ZNF354A: variants seen among roughly 807,000 people sequenced by gnomAD.
ZNF354A encodes zinc finger protein 354A, also known as epididymis luminal protein 104.
Under a neutral mutation model 53.3 loss-of-function variants are expected in ZNF354A, and 25 were observed. That is an observed-to-expected ratio of 0.47 (90% CI 0.34 to 0.66). ZNF354A has a LOEUF of 0.66. Among genes scored for constraint, ZNF354A ranks in the 30% least tolerant of loss-of-function variants. The pLI is 0.01. For synonymous variants in ZNF354A, 228 were observed against 249.0 expected, an observed-to-expected ratio of 0.92 and a Z score of 0.79; for missense variants, 586 against 716.8, an observed-to-expected ratio of 0.82 and a Z score of 2.08.
intron 4 of ZNF354A, among the ~76,000 whole-genome samples, chr5:178,719,860 T>C (rs897703270): frequency 1.3e-5 from 2 of 150,564 alleles, no homozygotes; most frequent in Non-Finnish European, 3.0e-5. Flanking sequence ...GGCAGGAGAA[T>C]GGCGTGAACC....
At position 178,713,734 on chromosome 5, in the gene ZNF354A, A is replaced by G. The variant is rs572507418; in HGVS notation, c.257-113T>C. The G allele has an allele frequency of 1.6e-4, 216 of 1,315,940 alleles. 1 individual carries two copies. In the South Asian group the frequency reaches 3.7e-3, roughly 23 times the overall value. The allele number at this position is 1,315,940 out of a possible 1,614,324, so 81.5% of individuals were successfully genotyped here. On this transcript the variant is annotated intron_variant, in intron 4 of 4. Transcript: ENST00000335815. ...GGTGACATTTAAATAAGACCCTGAT[A>G]TCTGTATGAAAAAAATTGCAAAAAG...
intron 4 of ZNF354A, among the ~76,000 whole-genome samples, chr5:178,721,747 A>G (rs543533808): frequency 6.6e-6 from 1 of 152,226 alleles, no homozygotes; most frequent in East Asian, 1.9e-4. Context: ...CTCATCCTCT[A>G]AGCAAGATAT....
In ZNF354A at chr5:178,730,552, TCAC is replaced by T. The variant is rs1375795488; in HGVS notation, c.-52+1_-52+3del. 6.6e-6 allele frequency: 1 copy of T among 151,828 alleles called. No individual in the cohort carries two copies. Among genetic ancestry groups the T allele is most frequent in the African/African-American group, 2.4e-5 (1 of 41,360 alleles). 9.4% of individuals were successfully genotyped at this position (151,828 alleles called of 1,614,324 possible). A position where few individuals can be genotyped will look rare whatever the true frequency, so the allele number is the denominator to read the frequency against. Reference sequence around the variant, plus strand: ...TACCGGCTTGGCCTGCCGCCGACGCTCACCTCCCTAAGCTCGAGCGTCCCGGGC... The same window carrying T: ...TACCGGCTTGGCCTGCCGCCGACGCTCTCCCTAAGCTCGAGCGTCCCGGGC... On this transcript the variant is annotated splice_donor_variant and splice_donor_region_variant and intron_variant, in intron 1 of 4. Transcript: ENST00000335815. LOFTEE classifies it low-confidence loss of function (5UTR_SPLICE).
intron 4 of ZNF354A, among the ~76,000 whole-genome samples, chr5:178,715,211 AC>A (rs1352675950): frequency 6.6e-6 from 1 of 152,210 alleles, no homozygotes; most frequent in Non-Finnish European, 1.5e-5. Flanking sequence ...GTTTAAAGGG[AC>A]CATTTGTGTC....
chr5:178,725,444 A>T lies in ZNF354A; in HGVS notation c.188T>A (p.Ile63Asn). The T allele has an allele frequency of 6.2e-7, 1 of 1,614,150 alleles. No homozygotes were observed. ...LGLPFTKPKV[I>N]SLLQQGEDPW... Reference sequence around the variant, plus strand: ...ATCTTCTCCTTGCTGCAACAGGGAGATCACTTTTGGTTTGGTAAATGGGAG... The same window carrying T: ...ATCTTCTCCTTGCTGCAACAGGGAGTTCACTTTTGGTTTGGTAAATGGGAG... Residue 63 changes from isoleucine to asparagine, a missense_variant, in exon 4 of 5, where the codon ATC becomes AAC. Transcript: ENST00000335815.
intron 4 of ZNF354A, among the ~76,000 whole-genome samples, chr5:178,724,312 C>T (rs1310111865): frequency 2.0e-5 from 3 of 152,022 alleles, no homozygotes; most frequent in Non-Finnish European, 4.4e-5. Context: ...GCAACCTCCG[C>T]CTCCCGGGTT....
Position 178,713,086 on chromosome 5 carries a change from A to G in ZNF354A, c.792T>C (p.His264=), listed in dbSNP as rs752367095. 1.2e-5 allele frequency: 20 copies of G among 1,613,974 alleles called. No homozygotes were observed. Among genetic ancestry groups the G allele is most frequent in the Non-Finnish European group, 1.6e-5 (19 of 1,179,864 alleles). ...TACATATGTAGGGTTTCTCTCCAGT[A>G]TGCGTTATTTGATGTTGAATAAGAG... is the stretch of plus-strand genomic sequence containing the variant. ...SSALIQHQIT[H]TGEKPYICKE... Residue 264 remains histidine, a synonymous_variant, in exon 5 of 5, where the codon CAT becomes CAC. Coordinates refer to ENST00000335815, the MANE Select transcript of ZNF354A (RefSeq NM_005649.3).
Position 178,712,076 on chromosome 5 carries a change from A to ACCCC in ZNF354A, c.1801_1802insGGGG (p.Ile601ArgfsTer31). 6.3e-7 allele frequency: 1 copy of ACCCC among 1,595,454 alleles called. No homozygotes were observed. Among genetic ancestry groups the ACCCC allele is most frequent in the Non-Finnish European group, 8.5e-7 (1 of 1,170,476 alleles). ...ATCTACTTTCTAGGGGTCCTCTTCG[A>ACCCC]TATGAATTTTATAATGATTAGTAAG... On this transcript the variant is annotated frameshift_variant, in exon 5 of 5. Coordinates refer to ENST00000335815, the MANE Select transcript of ZNF354A (RefSeq NM_005649.3). LOFTEE classifies it high-confidence loss of function.
Position 178,713,469 on chromosome 5 carries a change from C to T in ZNF354A, c.409G>A (p.Asp137Asn), listed in dbSNP as rs761062256. Residue 137 changes from aspartate to asparagine, a missense_variant, in exon 5 of 5, where the codon GAT (aspartate) becomes AAT (asparagine). This residue lies in a region of ZNF354A where 573 missense variants were observed against 680.1 expected (regional missense o/e 0.84). Coordinates refer to ENST00000335815, the MANE Select transcript of ZNF354A (RefSeq NM_005649.3). ...ACTATCTGAAAACTTCCCTTTTTAT[C>T]CTGCTTTTTCTCTAATCTGCCTTCA... ...IYEGRLEKKQ[D>N]KKGSFQIVSA... 1.4e-5 allele frequency: 23 copies of T among 1,613,554 alleles called. No individual in the cohort carries two copies. Among genetic ancestry groups the T allele is most frequent in the African/African-American group, 8.0e-5 (6 of 74,848 alleles).
chr5:178,729,690 C>A (rs1262932816), intron 1 of ZNF354A, among the ~76,000 whole-genome samples: 2 of 151,716 alleles, frequency 1.3e-5, no homozygotes, highest in African/African-American at 2.4e-5. Flanking sequence ...TCCCGAGTAG[C>A]TGGGACTACA....
At chr5:178,728,338 G>A (rs990959341) in intron 2 of ZNF354A, among the ~76,000 whole-genome samples, 9 of 152,090 alleles carry the variant, frequency 5.9e-5, no homozygotes, top group Non-Finnish European at 1.2e-4. Flanking sequence ...ACAGCAATGC[G>A]GAAGTACCTA....
intron 4 of ZNF354A, among the ~76,000 whole-genome samples, chr5:178,719,484 T>C (rs1765769537): frequency 6.6e-6 from 1 of 152,154 alleles, no homozygotes; most frequent in African/African-American, 2.4e-5. Flanking sequence ...AGAATTGACA[T>C]ATAAGATAGG....
At chr5:178,722,715 A>T (rs1581747143) in intron 4 of ZNF354A, among the ~76,000 whole-genome samples, 1 of 152,336 alleles carries the variant, frequency 6.6e-6, no homozygotes, top group Non-Finnish European at 1.5e-5. Context: ...CTTGGAAAAC[A>T]GGAGTGAATG....
chr5:178,713,942 G>A (rs570843612), intron 4 of ZNF354A, among the ~76,000 whole-genome samples: 1 of 151,734 alleles, frequency 6.6e-6, no homozygotes, highest in Admixed American at 6.6e-5. Flanking sequence ...GGAAGTTTGG[G>A]GTTAGGACCC....
At chr5:178,723,048 A>T (rs1249549309) in intron 4 of ZNF354A, among the ~76,000 whole-genome samples, 2 of 152,220 alleles carry the variant, frequency 1.3e-5, no homozygotes, top group Non-Finnish European at 1.5e-5. Context: ...GGGTGATCAG[A>T]GGCCTCGAAT....
intron 4 of ZNF354A, among the ~76,000 whole-genome samples, chr5:178,719,830 C>T (rs1277272994): frequency 1.3e-5 from 2 of 151,614 alleles, no homozygotes; most frequent in South Asian, 2.1e-4. Flanking sequence ...GCCTGTAGTC[C>T]CAGCTACTTG....
intron 4 of ZNF354A, among the ~76,000 whole-genome samples, chr5:178,721,923 C>G (rs1765820013): frequency 6.6e-6 from 1 of 152,104 alleles, no homozygotes; most frequent in South Asian, 2.1e-4. Context: ...AAGAGTTATC[C>G]TTAATAATTC....
At chr5:178,723,127 C>T (rs1268874871) in intron 4 of ZNF354A, among the ~76,000 whole-genome samples, 1 of 152,192 alleles carries the variant, frequency 6.6e-6, no homozygotes, top group Non-Finnish European at 1.5e-5. Context: ...GTATTTCTCC[C>T]AAAGGAGAGT....
chr5:178,724,014 G>C (rs1373432132), intron 4 of ZNF354A, among the ~76,000 whole-genome samples: 2 of 151,820 alleles, frequency 1.3e-5, no homozygotes, highest in African/African-American at 2.4e-5. Context: ...CTTGAGTCTC[G>C]GCCCTGTCAC....
Sources: gnomAD v4.1 joint callset for allele counts (sites outside exome capture counted in the v4.1 genomes callset) on GRCh38, gnomAD v4.1.1 for gene constraint, gnomAD v4.1.1 regional missense constraint, MANE v1.5 for transcripts, NCBI Gene and HGNC (gene_info 2026-07-23, HGNC 2026-07-21) for gene names.